Variants in GPM6B observed in about 807,000 individuals in gnomAD.
GPM6B encodes the protein glycoprotein M6B.
GPM6B carries 4 observed loss-of-function variants against 27.2 expected under a neutral mutation model. The observed-to-expected ratio is 0.15, with a 90% CI of 0.07 to 0.34. GPM6B has a LOEUF of 0.34. Ranked by LOEUF, GPM6B falls within the 10% of genes least tolerant of loss-of-function variation. The pLI is 1.00. For missense variants in GPM6B, 183 were observed against 261.9 expected (o/e 0.70, Z 2.08); for synonymous variants, 124 against 103.1 (o/e 1.20, Z -1.23).
intron 1 of GPM6B, among the ~76,000 whole-genome samples, chrX:13,911,962 C>T (rs1374515333): frequency 8.9e-6 from 1 of 112,208 alleles, no homozygotes; most frequent in Non-Finnish European, 1.9e-5. Context: ...GAACTCCACT[C>T]ACCAATAACC....
At chrX:13,799,402 A>T (rs66645987) in intron 2 of GPM6B, among the ~76,000 whole-genome samples, 3,772 of 63,780 alleles carry the variant, frequency 0.059, 75 homozygotes, top group African/African-American at 0.11. Flanking sequence ...TATTATTATT[A>T]TTTTTTTTTT....
intron 1 of GPM6B, among the ~76,000 whole-genome samples, chrX:13,837,721 G>GC (rs1555918775): frequency 2.3e-5 from 2 of 86,430 alleles, no homozygotes; most frequent in African/African-American, 8.2e-5. Context: ...GGGGGGGGGG[G>GC]GGGGGGGAAG....
At chrX:13,793,973 G>A (rs2048760953) in intron 2 of GPM6B, among the ~76,000 whole-genome samples, 1 of 111,635 alleles carries the variant, frequency 9.0e-6, no homozygotes, top group African/African-American at 3.3e-5. Context: ...CCTATTTTGT[G>A]ACACATGAAA....
intron 1 of GPM6B, among the ~76,000 whole-genome samples, chrX:13,912,785 G>T (rs972014286): frequency 6.3e-5 from 7 of 111,836 alleles, no homozygotes; most frequent in Non-Finnish European, 1.3e-4. Flanking sequence ...GTGCCACTAG[G>T]ATAATCATCG....
At chrX:13,931,663 G>C (rs1814682100) in intron 1 of GPM6B, among the ~76,000 whole-genome samples, 1 of 111,227 alleles carries the variant, frequency 9.0e-6, no homozygotes, top group Non-Finnish European at 1.9e-5. Context: ...CTTCTCAAAA[G>C]GGATGAAACA....
chrX:13,838,351 C>T, intron 1 of GPM6B, among the ~76,000 whole-genome samples: 1 of 111,755 alleles, frequency 8.9e-6, no homozygotes, highest in Admixed American at 9.5e-5. Context: ...CTTTAAGAGT[C>T]CAGCAAAAGA....
chrX:13,821,670 C>G (rs756788233), upstream of GPM6B, among the ~76,000 whole-genome samples: 63 of 111,683 alleles, frequency 5.6e-4, no homozygotes, highest in African/African-American at 2.0e-3. Context: ...GATCTCGGCT[C>G]ACTGCAACCT....
chrX:13,839,706 C>A (rs1389310692), intron 1 of GPM6B, among the ~76,000 whole-genome samples: 1 of 111,582 alleles, frequency 9.0e-6, no homozygotes, highest in African/African-American at 3.3e-5. Context: ...AATTCCAGGT[C>A]TTCTAGGAAT....
intron 4 of GPM6B, among the ~76,000 whole-genome samples, chrX:13,782,525 G>A (rs970679256): frequency 2.8e-5 from 3 of 108,667 alleles, no homozygotes; most frequent in Admixed American, 9.8e-5. Flanking sequence ...GATGTTTTTG[G>A]TTTTTTTTTC....
At chrX:13,868,270 T>A (rs1156670967) in intron 1 of GPM6B, among the ~76,000 whole-genome samples, 1 of 111,545 alleles carries the variant, frequency 9.0e-6, no homozygotes, top group East Asian at 2.8e-4. Context: ...TGCTTTGTAT[T>A]AATAACTTTT....
chrX:13,860,042 T>C (rs1049503987), intron 1 of GPM6B, among the ~76,000 whole-genome samples: 3 of 112,272 alleles, frequency 2.7e-5, no homozygotes, highest in Non-Finnish European at 5.6e-5. Context: ...CAGCAACTGA[T>C]ATCACACAGT....
intron 1 of GPM6B, among the ~76,000 whole-genome samples, chrX:13,856,848 C>T (rs1485522211): frequency 2.7e-5 from 3 of 110,478 alleles, no homozygotes; most frequent in South Asian, 7.9e-4. Context: ...TACAGGCATG[C>T]GCCACCATGC....
At chrX:13,847,225 A>G (rs1004448766) in intron 1 of GPM6B, among the ~76,000 whole-genome samples, 4 of 111,963 alleles carry the variant, frequency 3.6e-5, no homozygotes, top group Non-Finnish European at 7.5e-5. Context: ...AGTGCTGAAC[A>G]GGAAAATTTG....
rs536337642 is a variant in GPM6B at position 13,831,177 on chromosome X, TACACACACAC to T, written c.-197-45379_-197-45370del. ...AGTAAAGGGATGTAGAAGAGCTCAGTACACACACACACACACACACACACACACACACACA... is the reference window on the plus strand; with the variant it reads ...AGTAAAGGGATGTAGAAGAGCTCAGTACACACACACACACACACACACACA... On this transcript the variant is annotated intron_variant, in intron 1 of 6. Transcript: ENST00000398361. 4.1e-3 allele frequency among the ~76,000 whole-genome samples: 331 copies of T among 81,607 alleles called. 2 individuals carry two copies. The highest frequency in any genetic ancestry group is 0.012 in the African/African-American group (260 of 21,288). 70.9% of individuals were successfully genotyped at this position (81,607 alleles called of 115,157 possible). A position where few individuals can be genotyped will look rare whatever the true frequency, so the allele number is the denominator to read the frequency against.
At chrX:13,889,019 G>A (rs2050164173) in intron 1 of GPM6B, 1 of 111,622 alleles carries the variant, frequency 9.0e-6, no homozygotes, top group African/African-American at 3.3e-5. Flanking sequence ...GAAGCAAGGA[G>A]TTACACGGTG....
At chrX:13,893,413 A>G (rs1442685843) in intron 1 of GPM6B, among the ~76,000 whole-genome samples, 5 of 29,851 alleles carry the variant, frequency 1.7e-4, no homozygotes, top group Non-Finnish European at 1.9e-4. Context: ...TGAATCTACA[A>G]AAAAAAAAAA....
chrX:13,829,950 G>A (rs1249696509), intron 1 of GPM6B, among the ~76,000 whole-genome samples: 1 of 107,179 alleles, frequency 9.3e-6, no homozygotes, highest in Non-Finnish European at 1.9e-5. Context: ...AGGGGCATGT[G>A]ATGTGCATAG....
chrX:13,877,824 C>A (rs867614240), intron 1 of GPM6B, among the ~76,000 whole-genome samples: 28 of 27,449 alleles, frequency 1.0e-3, no homozygotes, highest in Non-Finnish European at 1.1e-3. Flanking sequence ...CAGACTCTGC[C>A]AAAAAAAAAA....
chrX:13,776,325 A>G, intron 6 of GPM6B, 22 bp from the exon 7 acceptor site: 1 of 1,164,767 alleles, frequency 8.6e-7, no homozygotes, highest in Non-Finnish European at 1.2e-6. Context: ...CAGGGCATCA[A>G]CATAAGCATT....
Sources: gnomAD v4.1 joint callset for allele counts (sites outside exome capture counted in the v4.1 genomes callset) on GRCh38, gnomAD v4.1.1 for gene constraint, MANE v1.5 for transcripts, NCBI Gene and HGNC (gene_info 2026-07-23, HGNC 2026-07-21) for gene names.